The following XKR4 variants were observed in gnomAD, a reference collection of about 807,000 sequenced individuals.
XKR4 encodes XK related 4, also known as XK-related protein 4.
Under a neutral mutation model 53.9 loss-of-function variants are expected in XKR4, and 12 were observed. The ratio of observed to expected loss-of-function variants is 0.22; its 90% CI spans 0.14 to 0.36. XKR4 has a LOEUF of 0.36. Among genes scored for constraint, XKR4 ranks in the 10% least tolerant of loss-of-function variants. The pLI is 1.00. For synonymous variants in XKR4, 354 were observed against 362.4 expected (o/e 0.98, Z 0.26); for missense variants, 799 against 859.5 (o/e 0.93, Z 0.88).
intron 2 of XKR4, among the ~76,000 whole-genome samples, chr8:55,406,351 C>T (rs1804681642): frequency 6.6e-6 from 1 of 152,134 alleles, no homozygotes; most frequent in African/African-American, 2.4e-5. Context: ...TAACTGTGCT[C>T]AGAGCTACAC....
intron 2 of XKR4, among the ~76,000 whole-genome samples, chr8:55,369,367 AAGGGGAGGGGAGGGGAGGGGAGGGG>A (rs1184594381): frequency 3.3e-5 from 1 of 29,916 alleles, no homozygotes; most frequent in African/African-American, 1.5e-4. Flanking sequence ...AAGGGAAGGG[AAGGGGAGGGGAGGGGAGGGGAGGGG>A]AGGGGAGGGG....
At chr8:55,159,518 G>C (rs1162033235) in intron 1 of XKR4, among the ~76,000 whole-genome samples, 1 of 152,192 alleles carries the variant, frequency 6.6e-6, no homozygotes, top group East Asian at 1.9e-4. Context: ...AATGGCATCT[G>C]TATCTTTTGA....
chr8:55,293,732 G>A (rs72651894), intron 1 of XKR4, among the ~76,000 whole-genome samples: 20,263 of 151,908 alleles, frequency 0.13, 1,557 homozygotes, highest in Non-Finnish European at 0.18. Context: ...ATGTTTATAC[G>A]CTAATTTTGT....
At position 55,265,984 on chromosome 8, in the gene XKR4, A is replaced by T. The variant is rs565214017; in HGVS notation, c.807-91694A>T. Reference sequence around the variant, plus strand: ...TGGCTGGAGTGAAACTCCATCTCAAAAAATAAATAAATATATAATAAAAAA... The same window carrying T: ...TGGCTGGAGTGAAACTCCATCTCAATAAATAAATAAATATATAATAAAAAA... On this transcript the variant is annotated intron_variant, in intron 1 of 2. Transcript: ENST00000327381. 2.2e-4 allele frequency among the ~76,000 whole-genome samples: 33 copies of T among 151,418 alleles called. 1 individual carries two copies. Among genetic ancestry groups the T allele is most frequent in the Non-Finnish European group, 4.0e-4 (27 of 67,866 alleles).
intron 1 of XKR4, among the ~76,000 whole-genome samples, chr8:55,252,926 C>T (rs1183184246): frequency 2.6e-5 from 4 of 152,054 alleles, no homozygotes; most frequent in African/African-American, 7.2e-5. Context: ...TTCTGGGGCT[C>T]GTTGCCTTCA....
rs1389986628 is a variant in XKR4, at chr8:55,466,398, CA to C, written c.1007-56882del. On this transcript the variant is annotated intron_variant, in intron 2 of 2. Coordinates refer to ENST00000327381, the MANE Select transcript of XKR4 (RefSeq NM_052898.2). ...ACTATTGCAAGGACTAAAAACCAAA[CA>C]CCTCGTGTTCTCACTCATAGGTGGG... Among the ~76,000 whole-genome samples, 907 of 152,024 alleles carry C rather than the reference CA, an allele frequency of 6.0e-3. 14 individuals are homozygous for C. Among genetic ancestry groups the C allele is most frequent in the African/African-American group, 0.02 (839 of 41,390 alleles).
At chr8:55,510,119 C>A (rs1162670326) in intron 2 of XKR4, among the ~76,000 whole-genome samples, 1 of 151,922 alleles carries the variant, frequency 6.6e-6, no homozygotes, top group African/African-American at 2.4e-5. Context: ...GGAGAGACAC[C>A]CACAGGCTGA....
rs780322724 is a variant in XKR4 at position 55,523,650 on chromosome 8, T to C, written c.1376T>C (p.Ile459Thr). Residue 459 changes from isoleucine to threonine, a missense_variant, in exon 3 of 3, where the codon ATT (isoleucine) becomes ACT (threonine). By Grantham distance (89) the Ile-to-Thr change is moderately conservative. Around this residue, in one of 3 missense-constraint regions of XKR4, gnomAD observed 269 missense variants for 264.4 expected, o/e 1.02. Coordinates refer to ENST00000327381, the MANE Select transcript of XKR4 (RefSeq NM_052898.2). ...KEGRTRCRLF[I>T]YYFVILLENT... ...GGCAGGACACGCTGCAGGCTATTCA[T>C]TTACTATTTTGTGATCCTTTTGGAA... The C allele has an allele frequency of 6.2e-7, 1 of 1,614,190 alleles. No individual in the cohort carries two copies. The highest frequency in any genetic ancestry group is 8.5e-7 in the Non-Finnish European group (1 of 1,180,022).
At chr8:55,520,158 G>T (rs533697126) in intron 2 of XKR4, among the ~76,000 whole-genome samples, 2 of 152,336 alleles carry the variant, frequency 1.3e-5, no homozygotes, top group East Asian at 1.9e-4. Context: ...AAGAGCAAAA[G>T]AACTAAGTGT....
At chr8:55,196,446 G>T (rs7004516) in intron 1 of XKR4, among the ~76,000 whole-genome samples, 3,164 of 152,222 alleles carry the variant, frequency 0.021, 120 homozygotes, top group African/African-American at 0.069. Flanking sequence ...GCCTCCCAAA[G>T]TGCTGGGATT....
rs114829828 is a variant in XKR4 at position 55,431,337 on chromosome 8, G to T, written c.1006+73460G>T. Among the ~76,000 whole-genome samples the T allele has an allele frequency of 8.7e-3, 1,327 of 152,210 alleles. 21 individuals carry two copies. The highest frequency in any genetic ancestry group is 0.03 in the African/African-American group (1,238 of 41,512). On this transcript the variant is annotated intron_variant, in intron 2 of 2. Transcript: ENST00000327381. ...TATTTAATTCCCAAAACATCATTAG[G>T]CTGTACAACTCCATGTATACATTGA...
At chr8:55,304,628 G>C (rs755365754) in intron 1 of XKR4, among the ~76,000 whole-genome samples, 8 of 152,160 alleles carry the variant, frequency 5.3e-5, no homozygotes, top group Non-Finnish European at 1.0e-4. Context: ...TTGTGTGGGA[G>C]TCTAAGTCTC....
chr8:55,378,646 A>G (rs1326857269), intron 2 of XKR4, among the ~76,000 whole-genome samples: 1 of 152,220 alleles, frequency 6.6e-6, no homozygotes, highest in Non-Finnish European at 1.5e-5. Context: ...AAAACTGCAC[A>G]TAGAAATTGC....
At chr8:55,523,158 A>T (rs1371297079) in intron 2 of XKR4, 123 bp from the exon 3 acceptor site, 8 of 815,394 alleles carry the variant, frequency 9.8e-6, no homozygotes, top group Non-Finnish European at 1.5e-5. Flanking sequence ...AAAAAAAAAA[A>T]GAAATTAAGA....
chr8:55,384,937 G>A (rs1055078669), intron 2 of XKR4, among the ~76,000 whole-genome samples: 1 of 152,094 alleles, frequency 6.6e-6, no homozygotes, highest in African/African-American at 2.4e-5. Context: ...AATACAGCAG[G>A]GACTCCTCTT....
At chr8:55,289,653 GGAAGGA>G in intron 1 of XKR4, among the ~76,000 whole-genome samples, 6 of 101,754 alleles carry the variant, frequency 5.9e-5, no homozygotes, top group African/African-American at 2.2e-4. Context: ...AAGAAAGGAA[GGAAGGA>G]AAAGAAAAGA....
chr8:55,205,394 A>C (rs1817631917), intron 1 of XKR4, among the ~76,000 whole-genome samples: 1 of 152,234 alleles, frequency 6.6e-6, no homozygotes, highest in Non-Finnish European at 1.5e-5. Flanking sequence ...AGAGGCAGAG[A>C]CTGTTCCTTC....
chr8:55,145,534 G>A (rs541787734), intron 1 of XKR4, among the ~76,000 whole-genome samples: 2 of 152,320 alleles, frequency 1.3e-5, no homozygotes. Flanking sequence ...GCACTGGAGA[G>A]AGTGTCCAAT....
chr8:55,476,568 C>CTG (rs58148065), intron 2 of XKR4, among the ~76,000 whole-genome samples: 114,441 of 151,606 alleles, frequency 0.75, 43,829 homozygotes, highest in African/African-American at 0.88. Context: ...GTGCAGCACA[C>CTG]TGAGCAAGCT....
Sources: allele counts gnomAD v4.1 joint callset (sites outside exome capture counted in the v4.1 genomes callset), GRCh38; gene constraint gnomAD v4.1.1; regional missense constraint gnomAD v4.1.1; transcripts MANE v1.5; gene names NCBI Gene and HGNC (gene_info 2026-07-23, HGNC 2026-07-21).